The following PPP2R5E variants were observed in gnomAD, a reference collection of about 807,000 sequenced individuals.
PPP2R5E encodes protein phosphatase 2 regulatory subunit B'epsilon.
PPP2R5E carries 4 observed loss-of-function variants against 65.3 expected under a neutral mutation model. The ratio of observed to expected loss-of-function variants is 0.06; its 90% confidence interval spans 0.03 to 0.14. PPP2R5E has a LOEUF of 0.14. Among genes scored for constraint, PPP2R5E ranks in the 10% least tolerant of loss-of-function variants. The pLI is 1.00. For synonymous variants in PPP2R5E, 183 were observed against 187.4 expected, an observed-to-expected ratio of 0.98 and a Z score of 0.19; for missense variants, 274 against 556.1, an observed-to-expected ratio of 0.49 and a Z score of 5.10.
chr14:63,541,248 C>T (rs1893893071), intron 1 of PPP2R5E, among the ~76,000 whole-genome samples: 1 of 152,098 alleles, frequency 6.6e-6, no homozygotes, highest in African/African-American at 2.4e-5. Flanking sequence ...TGAATGAAGC[C>T]ACCTTACGTT....
At chr14:63,482,869 A>G (rs1890783848) in intron 2 of PPP2R5E, among the ~76,000 whole-genome samples, 1 of 152,214 alleles carries the variant, frequency 6.6e-6, no homozygotes, top group Non-Finnish European at 1.5e-5. Flanking sequence ...CATTCCTTGA[A>G]CAAATAATTT....
intron 2 of PPP2R5E, among the ~76,000 whole-genome samples, chr14:63,491,876 T>C: frequency 6.6e-6 from 1 of 152,120 alleles, no homozygotes; most frequent in East Asian, 1.9e-4. Flanking sequence ...ATCAATTTCT[T>C]CTGTTTTTCA....
intron 2 of PPP2R5E, among the ~76,000 whole-genome samples, chr14:63,478,850 C>T (rs964296595): frequency 9.9e-5 from 15 of 152,070 alleles, no homozygotes; most frequent in East Asian, 1.9e-4. Context: ...TGGCCGGGTA[C>T]GGTGGCTCAT....
chr14:63,437,140 T>TAC (rs896071412), intron 3 of PPP2R5E, among the ~76,000 whole-genome samples: 3 of 152,176 alleles, frequency 2.0e-5, no homozygotes, highest in Admixed American at 1.3e-4. Flanking sequence ...CATGGCAGTT[T>TAC]ACAAATGCCA....
chr14:63,417,848 A>G (rs558437036), intron 4 of PPP2R5E, among the ~76,000 whole-genome samples: 39 of 152,280 alleles, frequency 2.6e-4, no homozygotes, highest in African/African-American at 8.2e-4. Context: ...ACGTCAACAC[A>G]GTGAAAGGAC....
At chr14:63,455,903 CT>C (rs1889101631) in intron 2 of PPP2R5E, among the ~76,000 whole-genome samples, 1 of 151,798 alleles carries the variant, frequency 6.6e-6, no homozygotes, top group Non-Finnish European at 1.5e-5. Flanking sequence ...AGTAGCTGGG[CT>C]TACAGGCATC....
intron 11 of PPP2R5E, among the ~76,000 whole-genome samples, chr14:63,386,249 T>C (rs768936555): frequency 6.6e-6 from 1 of 152,086 alleles, no homozygotes; most frequent in Non-Finnish European, 1.5e-5. Context: ...AAGAAAACAA[T>C]CATTACTGCA....
intron 3 of PPP2R5E, among the ~76,000 whole-genome samples, chr14:63,435,198 T>C (rs1887894032): frequency 6.6e-6 from 1 of 152,124 alleles, no homozygotes; most frequent in South Asian, 2.1e-4. Context: ...TGAACGTTCA[T>C]TGCCTAAGAT....
intron 2 of PPP2R5E, among the ~76,000 whole-genome samples, chr14:63,477,490 G>A (rs928633207): frequency 6.6e-6 from 1 of 151,558 alleles, no homozygotes; most frequent in African/African-American, 2.4e-5. Flanking sequence ...TTCACCCAAG[G>A]TCATAATGGC....
In PPP2R5E at chr14:63,480,383, G is replaced by A. The variant is rs75790809; in HGVS notation, c.158-26498C>T. On this transcript the variant is annotated intron_variant, in intron 2 of 13. Transcript: ENST00000337537. ...AGGTGGGAGAATTGCTTGAATCTGG[G>A]AGGCAGAGGCTGCAGTGAACCGAGA... 8.1e-3 allele frequency among the ~76,000 whole-genome samples: 1,220 copies of A among 151,236 alleles called. 43 individuals are homozygous for A. In the East Asian group the frequency reaches 0.11, roughly 14 times the overall value.
chr14:63,413,988 C>G (rs766714048), intron 5 of PPP2R5E, among the ~76,000 whole-genome samples: 3 of 152,196 alleles, frequency 2.0e-5, no homozygotes, highest in Non-Finnish European at 2.9e-5. Context: ...AAGCTCCTTT[C>G]AGCTCTGAGC....
chr14:63,510,581 A>C (rs1892408962), intron 2 of PPP2R5E, among the ~76,000 whole-genome samples: 1 of 152,234 alleles, frequency 6.6e-6, no homozygotes, highest in Admixed American at 6.5e-5. Flanking sequence ...AAAGAAGTAA[A>C]GAAAGGAGAC....
At chr14:63,460,909 T>C (rs1432406779) in intron 2 of PPP2R5E, among the ~76,000 whole-genome samples, 4 of 148,480 alleles carry the variant, frequency 2.7e-5, no homozygotes, top group Non-Finnish European at 4.4e-5. Context: ...TGCACACTGA[T>C]AAATGACACA....
intron 3 of PPP2R5E, among the ~76,000 whole-genome samples, chr14:63,432,353 A>T (rs1435862094): frequency 6.6e-6 from 1 of 152,244 alleles, no homozygotes; most frequent in East Asian, 1.9e-4. Flanking sequence ...TAGATTTAAC[A>T]TACGGTGATT....
At chr14:63,522,463 G>A (rs1267985858) in intron 2 of PPP2R5E, among the ~76,000 whole-genome samples, 11 of 150,392 alleles carry the variant, frequency 7.3e-5, no homozygotes, top group African/African-American at 2.5e-4. Flanking sequence ...AGTGAGGAGC[G>A]TCTCTGCCCG....
intron 3 of PPP2R5E, among the ~76,000 whole-genome samples, chr14:63,434,449 T>C (rs1887853469): frequency 6.6e-6 from 1 of 152,162 alleles, no homozygotes; most frequent in Non-Finnish European, 1.5e-5. Flanking sequence ...CATGATTTCA[T>C]CCAGTGAAGA....
chr14:63,535,163 G>A lies in PPP2R5E; in HGVS notation c.157+4366C>T, dbSNP rs931128492. ...AAATAGGCTGGGCGCAGTGACTGAC[G>A]CCTGTAATCCCAGCACTTTGGGAGG... On this transcript the variant is annotated intron_variant, in intron 2 of 13. Transcript: ENST00000337537. Among the ~76,000 whole-genome samples the A allele has an allele frequency of 5.3e-5, 8 of 152,062 alleles. 1 individual carries two copies. Among genetic ancestry groups the A allele is most frequent in the East Asian group, 3.9e-4 (2 of 5,184 alleles).
At chr14:63,472,473 G>A (rs1397018682) in intron 2 of PPP2R5E, among the ~76,000 whole-genome samples, 1 of 152,216 alleles carries the variant, frequency 6.6e-6, no homozygotes, top group Admixed American at 6.5e-5. Context: ...TGACACAGAA[G>A]TTTGGTTGTT....
chr14:63,443,534 A>G (rs913295657), intron 3 of PPP2R5E, among the ~76,000 whole-genome samples: 2 of 152,030 alleles, frequency 1.3e-5, no homozygotes, highest in African/African-American at 4.8e-5. Flanking sequence ...CTACTCTTCA[A>G]CCCACTAGCT....
Sources: allele counts gnomAD v4.1 joint callset (sites outside exome capture counted in the v4.1 genomes callset), GRCh38; gene constraint gnomAD v4.1.1; transcripts MANE v1.5; gene names NCBI Gene and HGNC (gene_info 2026-07-23, HGNC 2026-07-21).